The following NVL variants were observed in gnomAD, a reference collection of about 807,000 sequenced individuals.
NVL encodes the protein nuclear valosin-containing protein-like.
Under a neutral mutation model 110.2 loss-of-function variants are expected in NVL, and 84 were observed. The observed-to-expected ratio is 0.76, with a 90% CI of 0.64 to 0.91. The LOEUF (loss-of-function observed/expected upper bound fraction) is 0.91, where lower values mean the gene tolerates loss of function less well. Ranked by LOEUF, NVL falls within the 40% of genes least tolerant of loss-of-function variation. NVL has a pLI of 0.00. For missense variants in NVL, 882 were observed against 1,035.9 expected (o/e 0.85, Z 2.04); for synonymous variants, 354 against 361.1 (o/e 0.98, Z 0.22).
At chr1:224,283,215 C>T (rs1239235878) in intron 15 of NVL, among the ~76,000 whole-genome samples, 1 of 152,164 alleles carries the variant, frequency 6.6e-6, no homozygotes, top group African/African-American at 2.4e-5. Context: ...AGGCCGGGCA[C>T]GGTGGCTCAT....
chr1:224,254,867 A>C (rs868618050), intron 18 of NVL, among the ~76,000 whole-genome samples: 2 of 140,998 alleles, frequency 1.4e-5, no homozygotes, highest in Admixed American at 8.4e-5. Context: ...GCTACTTTTA[A>C]AATGGTGTAG....
chr1:224,318,469 G>C (rs192803181), intron 2 of NVL, among the ~76,000 whole-genome samples: 1 of 152,216 alleles, frequency 6.6e-6, no homozygotes, highest in Non-Finnish European at 1.5e-5. Context: ...AGGTATGGTA[G>C]TACGTGGCTG....
intron 16 of NVL, among the ~76,000 whole-genome samples, chr1:224,280,193 T>G (rs1571929322): frequency 6.6e-6 from 1 of 150,608 alleles, no homozygotes; most frequent in African/African-American, 2.4e-5. Flanking sequence ...TTTTTTTTTT[T>G]GCTGGGTGAT....
At position 224,275,417 on chromosome 1, in the gene NVL, T is replaced by C. The variant is rs773291823; in HGVS notation, c.2004A>G (p.Gln668=). 32 of 1,614,036 alleles carry C rather than the reference T, an allele frequency of 2.0e-5. No individual in the cohort carries two copies. The South Asian group carries it at 2.9e-4, about 14-fold the overall frequency. ...ESERAVRQVF[Q]RAKNSAPCVI... is the part of the protein sequence containing the mutation. ...CACAGGGTGCTGAGTTCTTGGCTCG[T>C]TGAAAAACTTGTCGCACAGCACGTT... is the stretch of plus-strand genomic sequence containing the variant. Residue 668 remains glutamine (Q), a synonymous_variant, in exon 17 of 23, where the codon CAA becomes CAG. Transcript: ENST00000281701.
Position 224,263,306 on chromosome 1 carries a change from C to T in NVL, c.2182+4728G>A, listed in dbSNP as rs61826447. On this transcript the variant is annotated intron_variant, in intron 18 of 22. Coordinates refer to ENST00000281701, the MANE Select transcript of NVL (RefSeq NM_002533.4). ...AACTTTTGCACACATGTAGTTTTCT[C>T]GTAGGGCTGTTGTGAGGTTTACAAT... Among the ~76,000 whole-genome samples the T allele has an allele frequency of 2.1e-4, 32 of 152,244 alleles. No homozygotes were observed. In the East Asian group the frequency reaches 3.7e-3, roughly 17 times the overall value.
At chr1:224,267,796 A>C (rs1664645958) in intron 18 of NVL, among the ~76,000 whole-genome samples, 1 of 152,106 alleles carries the variant, frequency 6.6e-6, no homozygotes, top group Admixed American at 6.6e-5. Context: ...GTAATACTAT[A>C]CTTTTTACTA....
At chr1:224,314,532 G>A (rs925772032) in intron 4 of NVL, among the ~76,000 whole-genome samples, 8 of 152,116 alleles carry the variant, frequency 5.3e-5, no homozygotes, top group African/African-American at 1.9e-4. Flanking sequence ...GAGATGTAAG[G>A]AAGAGCTGTA....
Position 224,268,074 on chromosome 1 carries a change from T to C in NVL, c.2142A>G (p.Ala714=). The change falls in exon 18 of 23, where the codon GCA becomes GCG. Residue 714 remains alanine, a synonymous_variant. Coordinates refer to ENST00000281701, the MANE Select transcript of NVL (RefSeq NM_002533.4). The stretch of plus-strand genomic sequence containing the variant: ...CTGCCATAATAAAAACCTGCTGGCG[T>C]GCTTCCAGACCATCCATCTCTGTAA... ...QLLTEMDGLE[A]RQQVFIMAAT... 1 of 1,614,132 alleles carries C rather than the reference T, an allele frequency of 6.2e-7. No homozygotes were observed.
At position 224,247,087 on chromosome 1, in the gene NVL, A is replaced by G. The variant is rs1217175911; in HGVS notation, c.2289+3125T>C. 4.6e-5 allele frequency among the ~76,000 whole-genome samples: 7 copies of G among 152,086 alleles called. No homozygotes were observed. In the East Asian group the frequency reaches 1.4e-3, roughly 29 times the overall value. On this transcript the variant is annotated intron_variant, in intron 19 of 22. Coordinates refer to ENST00000281701, the MANE Select transcript of NVL (RefSeq NM_002533.4). ...AAAAAAAAAAAAACAGAGCCAACGA[A>G]AGGGAGAGAAGATGCTATGATGCAG...
rs148262080 is a variant in NVL at position 224,262,905 on chromosome 1, A to G, written c.2182+5129T>C. Reference sequence around the variant, plus strand: ...CTTAACCAAGAGTTCTGATCAAACTATATTACAATACTGGGAGAATGGGGA... The same window carrying G: ...CTTAACCAAGAGTTCTGATCAAACTGTATTACAATACTGGGAGAATGGGGA... On this transcript the variant is annotated intron_variant, in intron 18 of 22. Coordinates refer to ENST00000281701, the MANE Select transcript of NVL (RefSeq NM_002533.4). Among the ~76,000 whole-genome samples the G allele has an allele frequency of 2.6e-4, 39 of 152,308 alleles. No homozygotes were observed. In the East Asian group the frequency reaches 6.6e-3, roughly 26 times the overall value.
intron 18 of NVL, among the ~76,000 whole-genome samples, chr1:224,258,932 C>T (rs1663607817): frequency 6.9e-6 from 1 of 145,068 alleles, no homozygotes; most frequent in South Asian, 2.2e-4. Context: ...TGCTGCAGGC[C>T]AGGAGTGCGA....
At chr1:224,312,061 A>G in intron 4 of NVL, 1 of 473,310 alleles carries the variant, frequency 2.1e-6, no homozygotes, top group Non-Finnish European at 3.7e-6. Flanking sequence ...TTATCTATAA[A>G]ACGGAGATTT....
At chr1:224,284,302 A>G (rs1666647550) in intron 15 of NVL, among the ~76,000 whole-genome samples, 2 of 152,204 alleles carry the variant, frequency 1.3e-5, no homozygotes, top group South Asian at 2.1e-4. Flanking sequence ...CATGTATGCC[A>G]TTAGAAAAAT....
chr1:224,281,081 CT>C (rs763524935), intron 16 of NVL, 41 bp downstream of exon 16: 134 of 1,537,616 alleles, frequency 8.7e-5, no homozygotes, highest in Non-Finnish European at 1.2e-4. Context: ...ATGACCATTA[CT>C]TTTTCTAATC....
chr1:224,323,379 G>A (rs1670842589), intron 2 of NVL, among the ~76,000 whole-genome samples: 3 of 152,116 alleles, frequency 2.0e-5, no homozygotes, highest in African/African-American at 4.8e-5. Flanking sequence ...TATCCATATT[G>A]TAAAAAATGA....
intron 4 of NVL, 42 bp downstream of exon 4, chr1:224,317,652 A>G (rs1314109327): frequency 8.6e-7 from 1 of 1,169,384 alleles, no homozygotes; most frequent in Non-Finnish European, 1.3e-6. Context: ...GTAACATGAT[A>G]AAGTTCATGG....
intron 12 of NVL, among the ~76,000 whole-genome samples, chr1:224,290,211 T>A (rs1461496546): frequency 1.3e-5 from 2 of 152,220 alleles, no homozygotes; most frequent in Non-Finnish European, 2.9e-5. Flanking sequence ...CTATTGTTCA[T>A]CCCCTGTACT....
At chr1:224,268,954 C>T (rs564161498) in intron 17 of NVL, among the ~76,000 whole-genome samples, 144 of 151,448 alleles carry the variant, frequency 9.5e-4, no homozygotes, top group African/African-American at 3.2e-3. Context: ...CCACTGCGCC[C>T]GGCCCTAGAC....
At chr1:224,308,676 G>C (rs1669182476) in intron 5 of NVL, among the ~76,000 whole-genome samples, 1 of 143,844 alleles carries the variant, frequency 7.0e-6, no homozygotes, top group African/African-American at 2.6e-5. Context: ...GGGTGACAGA[G>C]TGAGACTCCA....
Sources: allele counts gnomAD v4.1 joint callset (sites outside exome capture counted in the v4.1 genomes callset), GRCh38; gene constraint gnomAD v4.1.1; transcripts MANE v1.5; gene names NCBI Gene and HGNC (gene_info 2026-07-23, HGNC 2026-07-21).